The following AADACL2 variants were observed in gnomAD, a reference collection of about 807,000 sequenced individuals.
AADACL2 encodes the protein arylacetamide deacetylase-like 2.
In AADACL2, 23 loss-of-function variants were observed where a neutral mutation model predicts 22.3. The observed-to-expected ratio is 1.03, with a 90% CI of 0.74 to 1.46. The LOEUF is 1.46. Among genes scored for constraint, AADACL2 ranks in the 40% most tolerant of loss-of-function variants. The pLI is 0.00. For missense variants in AADACL2, 472 were observed against 482.9 expected (o/e 0.98, Z 0.21); for synonymous variants, 177 against 166.2 (o/e 1.07, Z -0.50).
rs529557806 is a variant in AADACL2 at position 151,754,782 on chromosome 3, C to T, written c.604-2210C>T. ...CAGATATGTTCTCTCAAATTTTGAC[C>T]TTTTACTTTTTCATTCTTGTTCTTT... On this transcript the variant is annotated intron_variant, in intron 4 of 4. Coordinates refer to ENST00000356517, the MANE Select transcript of AADACL2 (RefSeq NM_207365.4). 3.3e-5 allele frequency among the ~76,000 whole-genome samples: 5 copies of T among 152,134 alleles called. No homozygotes were observed. In the South Asian group the frequency reaches 8.3e-4, roughly 25 times the overall value.
At position 151,759,258 on chromosome 3, in the gene AADACL2, A is replaced by C. The variant is rs1466307949; in HGVS notation, c.*1664A>C. The C allele has an allele frequency of 6.6e-6, 1 of 152,176 alleles. No individual in the cohort carries two copies. 9.4% of individuals were successfully genotyped at this position (152,176 alleles called of 1,614,324 possible). A position where few individuals can be genotyped will look rare whatever the true frequency, so the allele number is the denominator to read the frequency against. On this transcript the variant is annotated 3_prime_UTR_variant, in exon 5 of 5. Transcript: ENST00000356517. Reference sequence around the variant, plus strand: ...TGTAATTTGTTTTTCATGATACTGAATCTGGTTCCAGTTCTTTTTCATCAT... The same window carrying C: ...TGTAATTTGTTTTTCATGATACTGACTCTGGTTCCAGTTCTTTTTCATCAT...
intron 4 of AADACL2, among the ~76,000 whole-genome samples, chr3:151,754,788 C>G (rs929937395): frequency 3.3e-5 from 5 of 152,036 alleles, no homozygotes; most frequent in African/African-American, 9.7e-5. Flanking sequence ...TGACCTTTTA[C>G]TTTTTCATTC....
rs557616397 is a variant in AADACL2, at chr3:151,760,912, T to A, written c.*3318T>A. ...CTTCACATGATATTCTCCCGTTGTA[T>A]GTGTTCTTCCCCAATTTTCCCTTTT... On this transcript the variant is annotated 3_prime_UTR_variant, in exon 5 of 5. Transcript: ENST00000356517. The A allele has an allele frequency of 1.7e-4, 26 of 152,106 alleles. No homozygotes were observed. The highest frequency in any genetic ancestry group is 6.3e-4 in the African/African-American group (26 of 41,500). 9.4% of individuals were successfully genotyped at this position (152,106 alleles called of 1,614,324 possible). A position where few individuals can be genotyped will look rare whatever the true frequency, so the allele number is the denominator to read the frequency against.
At chr3:151,743,660 AC>A (rs983681810) in intron 2 of AADACL2, among the ~76,000 whole-genome samples, 1 of 152,168 alleles carries the variant, frequency 6.6e-6, no homozygotes, top group Non-Finnish European at 1.5e-5. Context: ...ACATACTATT[AC>A]TTTCTTTTTC....
chr3:151,736,568 T>C (rs1454696248), intron 1 of AADACL2, among the ~76,000 whole-genome samples: 2 of 152,104 alleles, frequency 1.3e-5, no homozygotes, highest in African/African-American at 2.4e-5. Flanking sequence ...AGTGAGAACA[T>C]GTGGTGTTTG....
chr3:151,741,002 A>G (rs1316052245), intron 2 of AADACL2, 134 bp downstream of exon 2: 2 of 674,874 alleles, frequency 3.0e-6, no homozygotes, highest in African/African-American at 1.8e-5. Context: ...ATAAGTATAG[A>G]TATAAATATG....
chr3:151,735,639 T>TC (rs1207915842), intron 1 of AADACL2, among the ~76,000 whole-genome samples: 1 of 152,196 alleles, frequency 6.6e-6, no homozygotes, highest in Non-Finnish European at 1.5e-5. Flanking sequence ...ACGCCTGTAA[T>TC]CCCAGCTACT....
rs769818858 is a variant in AADACL2 at position 151,740,832 on chromosome 3, T to C, written c.325T>C (p.Tyr109His). The stretch of plus-strand genomic sequence containing the variant: ...AGAAACCCGAAGGCGAGCTGTGATA[T>C]ATTTTCATGGTGGTGGTTTTTGTTT... ...KSETRRRAVIYFHGGGFCFGS... is the reference protein window; with the variant it reads ...KSETRRRAVIHFHGGGFCFGS... Residue 109 changes from tyrosine (Y) to histidine (H), a missense_variant, in exon 2 of 5, where the codon TAT becomes CAT. Coordinates refer to ENST00000356517, the MANE Select transcript of AADACL2 (RefSeq NM_207365.4). The C allele has an allele frequency of 6.2e-7, 1 of 1,614,024 alleles. No homozygotes were observed. The highest frequency in any genetic ancestry group is 1.1e-5 in the South Asian group (1 of 91,068).
At chr3:151,741,424 A>C (rs1485070078) in intron 2 of AADACL2, among the ~76,000 whole-genome samples, 1 of 152,148 alleles carries the variant, frequency 6.6e-6, no homozygotes, top group East Asian at 1.9e-4. Flanking sequence ...CATTTTTCTT[A>C]CAGTGATTAT....
At chr3:151,739,049 G>C (rs146007006) in intron 1 of AADACL2, among the ~76,000 whole-genome samples, 1,533 of 152,242 alleles carry the variant, frequency 0.01, 10 homozygotes, top group East Asian at 0.025. Context: ...CTGGAGAGGA[G>C]TTGCAATCAT....
At chr3:151,743,320 T>A (rs1449250296) in intron 2 of AADACL2, among the ~76,000 whole-genome samples, 1 of 152,168 alleles carries the variant, frequency 6.6e-6, no homozygotes, top group Non-Finnish European at 1.5e-5. Flanking sequence ...TCTTTGGATT[T>A]CTAGGATCTT....
At position 151,761,191 on chromosome 3, in the gene AADACL2, A is replaced by ATATATT. The variant is rs1714138456; in HGVS notation, c.*3601_*3602insTTTATA. The ATATATT allele has an allele frequency of 7.8e-6, 1 of 128,506 alleles. No homozygotes were observed. Among genetic ancestry groups the ATATATT allele is most frequent in the Non-Finnish European group, 1.6e-5 (1 of 60,944 alleles). The allele number at this position is 128,506 out of a possible 1,614,324, so 8.0% of individuals were successfully genotyped here. On this transcript the variant is annotated 3_prime_UTR_variant, in exon 5 of 5. Coordinates refer to ENST00000356517, the MANE Select transcript of AADACL2 (RefSeq NM_207365.4). ...TATATATTTATATATATGGTGAGAT[A>ATATATT]TATACATATTGTGATATATATATAT...
In AADACL2 at chr3:151,734,085, C is replaced by T. The variant is rs767498542; in HGVS notation, c.50C>T (p.Ser17Phe). ...CLGLLCVLFV[S>F]HFYTPMPDNI... ...GGGCTGCTTTGTGTTCTTTTTGTCT[C>T]TCATTTTTACACACCCATGCCAGAC... is the stretch of plus-strand genomic sequence containing the variant. Residue 17 changes from serine to phenylalanine, a missense_variant, in exon 1 of 5, where the codon TCT becomes TTT. By Grantham distance (155) the Ser-to-Phe change is radical. Coordinates refer to ENST00000356517, the MANE Select transcript of AADACL2 (RefSeq NM_207365.4). The T allele has an allele frequency of 7.4e-6, 12 of 1,613,438 alleles. No individual in the cohort carries two copies. In the South Asian group the frequency reaches 1.3e-4, roughly 18 times the overall value.
At chr3:151,751,006 G>C (rs746154428) in intron 4 of AADACL2, among the ~76,000 whole-genome samples, 6 of 152,136 alleles carry the variant, frequency 3.9e-5, no homozygotes, top group Non-Finnish European at 5.9e-5. Context: ...AGAGCTCTAA[G>C]TAAATTTTCT....
At chr3:151,745,935 T>C (rs962298206) in intron 4 of AADACL2, among the ~76,000 whole-genome samples, 1 of 152,140 alleles carries the variant, frequency 6.6e-6, no homozygotes, top group Non-Finnish European at 1.5e-5. Flanking sequence ...AAATCTAGTA[T>C]TCCATATCTT....
chr3:151,745,493 T>G lies in AADACL2; in HGVS notation c.432-16T>G, dbSNP rs1245585043. ...ACAGATACAACCATAAATGCTTTAT[T>G]ATTCTTTCTTTAAAGCTATAGGCTG... On this transcript the variant is annotated splice_polypyrimidine_tract_variant and intron_variant, in intron 3 of 4. Coordinates refer to ENST00000356517, the MANE Select transcript of AADACL2 (RefSeq NM_207365.4). 6.2e-7 allele frequency: 1 copy of G among 1,603,180 alleles called. No individual in the cohort carries two copies. Among genetic ancestry groups the G allele is most frequent in the Non-Finnish European group, 8.5e-7 (1 of 1,176,160 alleles).
chr3:151,738,800 T>C (rs569751639), intron 1 of AADACL2, among the ~76,000 whole-genome samples: 1 of 152,374 alleles, frequency 6.6e-6, no homozygotes, highest in South Asian at 2.1e-4. Flanking sequence ...TATTGATACT[T>C]GTATATGCCT....
At position 151,734,018 on chromosome 3, in the gene AADACL2, G is replaced by T; in HGVS notation, c.-18G>T. ...ATTTTAATCTCAGTACTGTGAAGAAGCTGGAAAAAGGGATATTATGGGGCT... is the reference window on the plus strand; with the variant it reads ...ATTTTAATCTCAGTACTGTGAAGAATCTGGAAAAAGGGATATTATGGGGCT... On this transcript the variant is annotated 5_prime_UTR_variant, in exon 1 of 5. Transcript: ENST00000356517. 6.3e-7 allele frequency: 1 copy of T among 1,591,958 alleles called. No homozygotes were observed. Among genetic ancestry groups the T allele is most frequent in the African/African-American group, 1.3e-5 (1 of 74,208 alleles).
Position 151,757,364 on chromosome 3 carries a change from C to T in AADACL2, c.976C>T (p.Gln326Ter), listed in dbSNP as rs766475150. Residue 326 changes from glutamine to a stop codon, truncating the protein, a stop_gained, in exon 5 of 5, where the codon CAG becomes TAG. Transcript: ENST00000356517. LOFTEE classifies it low-confidence loss of function (END_TRUNC). ...RALPLLANDS[Q>*]LQNLPLTYIL... ...ATTACCCTTGTTGGCCAATGATTCT[C>T]AGTTACAGAATTTGCCACTAACCTA... 1.1e-5 allele frequency: 18 copies of T among 1,613,650 alleles called. No individual in the cohort carries two copies. In the Admixed American group the frequency reaches 1.8e-4, roughly 16 times the overall value.
Sources: allele counts gnomAD v4.1 joint callset (sites outside exome capture counted in the v4.1 genomes callset), GRCh38; gene constraint gnomAD v4.1.1; transcripts MANE v1.5; gene names NCBI Gene and HGNC (gene_info 2026-07-23, HGNC 2026-07-21).